The following SH3PXD2B variants were observed in gnomAD, a reference collection of about 807,000 sequenced individuals.
SH3PXD2B encodes the protein SH3 and PX domain-containing protein 2B.
In SH3PXD2B, 37 loss-of-function variants were observed where a neutral mutation model predicts 73.1. The observed-to-expected ratio is 0.51, with a 90% CI of 0.39 to 0.67. SH3PXD2B has a LOEUF of 0.67. SH3PXD2B is among the 30% of genes least tolerant of loss of function. The pLI, the probability that SH3PXD2B is intolerant of heterozygous loss-of-function variation, is 0.00. For synonymous variants in SH3PXD2B, 457 were observed against 480.5 expected (o/e 0.95, Z 0.64); for missense variants, 1,053 against 1,197.8 (o/e 0.88, Z 1.78).
At chr5:172,372,846 C>T (rs1477064927) in intron 6 of SH3PXD2B, among the ~76,000 whole-genome samples, 6 of 152,112 alleles carry the variant, frequency 3.9e-5, no homozygotes, top group African/African-American at 7.2e-5. Flanking sequence ...AATTAAAGAG[C>T]GCTGGATTCT....
rs919197314 is a variant in SH3PXD2B, at chr5:172,338,541, T to A, written c.2564A>T (p.Tyr855Phe). The A allele has an allele frequency of 6.2e-7, 1 of 1,614,162 alleles. No homozygotes were observed. Among genetic ancestry groups the A allele is most frequent in the Admixed American group, 1.7e-5 (1 of 60,020 alleles). ...TCCTTCAAAGTCGGCCACGGCCACA[T>A]ACAAAGAGTCCTTCAGGCCGTCGGC... ...PNADGLKDSLYVAVADFEGDK... is the reference protein window; with the variant it reads ...PNADGLKDSLFVAVADFEGDK... Residue 855 changes from tyrosine (Y) to phenylalanine (F), a missense_variant, in exon 13 of 13, where the codon TAT (tyrosine) becomes TTT (phenylalanine). Around this residue, in one of 2 missense-constraint regions of SH3PXD2B, gnomAD observed 587 missense variants for 590.7 expected, o/e 0.99. Transcript: ENST00000311601. This position sits in a 1 kb window ranked among gnomAD's most constrained non-coding sequence, Gnocchi z 5.1.
At chr5:172,326,735 C>T (rs2339423) in intron 12 of SH3PXD2B, among the ~76,000 whole-genome samples, 95,330 of 152,040 alleles carry the variant, frequency 0.63, 30,188 homozygotes, top group South Asian at 0.84. Context: ...TGAATAGTTA[C>T]GTAAATACTT....
intron 1 of SH3PXD2B, among the ~76,000 whole-genome samples, chr5:172,439,048 G>A (rs898531396): frequency 1.3e-5 from 2 of 151,604 alleles, no homozygotes; most frequent in Non-Finnish European, 2.9e-5. Context: ...AGACCAGCCT[G>A]ACCAATGTGG....
intron 2 of SH3PXD2B, among the ~76,000 whole-genome samples, chr5:172,408,341 C>T (rs1409093117): frequency 1.3e-5 from 2 of 152,036 alleles, no homozygotes; most frequent in Non-Finnish European, 2.9e-5. Flanking sequence ...AATCATGGCT[C>T]ACTGCAGCCT....
chr5:172,333,540 TAAAAA>T lies in SH3PXD2B; in HGVS notation c.*4824_*4828del, dbSNP rs35951290. 3.0e-5 allele frequency: 31 copies of T among 1,036,150 alleles called. No homozygotes were observed. The African/African-American group carries it at 5.2e-4, about 17-fold the overall frequency. The allele number at this position is 1,036,150 out of a possible 1,614,324, so 64.2% of individuals were successfully genotyped here. On this transcript the variant is annotated 3_prime_UTR_variant, in exon 13 of 13. Transcript: ENST00000311601. ...AAACCAGTCAAGCACTTTTTTTATT[TAAAAA>T]AAAAAAAAGGAAAGAAGTCAAATGG... is the stretch of plus-strand genomic sequence containing the variant.
intron 1 of SH3PXD2B, among the ~76,000 whole-genome samples, chr5:172,450,691 C>T (rs1759774889): frequency 6.6e-6 from 1 of 152,072 alleles, no homozygotes; most frequent in Non-Finnish European, 1.5e-5. Flanking sequence ...TTCTGTACAT[C>T]CCTCTCCAGT....
At chr5:172,331,853 C>T (rs529358787), downstream of SH3PXD2B, among the ~76,000 whole-genome samples, 2 of 152,240 alleles carry the variant, frequency 1.3e-5, no homozygotes, top group East Asian at 3.9e-4. Flanking sequence ...GGCTGAGGTA[C>T]AAGAATCGCT....
At chr5:172,424,623 G>A (rs2113468966) in intron 1 of SH3PXD2B, among the ~76,000 whole-genome samples, 1 of 152,342 alleles carries the variant, frequency 6.6e-6, no homozygotes, top group East Asian at 1.9e-4. Flanking sequence ...GGTTGGAGGT[G>A]ACCTTGAATG....
rs547122561 is a variant in SH3PXD2B, at chr5:172,424,273, A to G, written c.76-1777T>C. ...CAGGTTGATACCGGAAGTGGGCAGG[A>G]GAGAGATCTCTGAAGCCTGGAGCCA... On this transcript the variant is annotated intron_variant, in intron 1 of 12. Transcript: ENST00000311601. Among the ~76,000 whole-genome samples the G allele has an allele frequency of 6.6e-5, 10 of 152,290 alleles. No homozygotes were observed. In the South Asian group the frequency reaches 1.4e-3, roughly 22 times the overall value.
intron 12 of SH3PXD2B, 131 bp downstream of exon 12, chr5:172,346,005 G>T: frequency 7.2e-7 from 1 of 1,390,184 alleles, no homozygotes; most frequent in Non-Finnish European, 1.0e-6. Flanking sequence ...TATGGTATGT[G>T]AACCATAAAG....
Position 172,338,421 on chromosome 5 carries a change from G to T in SH3PXD2B, c.2684C>A (p.Ala895Asp). Residue 895 changes from alanine to aspartate, a missense_variant, in exon 13 of 13, where the codon GCC (alanine) becomes GAC (aspartate). Ala to Asp is a moderately radical substitution (Grantham distance 126, BLOSUM62 -2). Around this residue, in one of 2 missense-constraint regions of SH3PXD2B, gnomAD observed 587 missense variants for 590.7 expected, o/e 0.99. Transcript: ENST00000311601. The surrounding 1 kb of genome is among the most constrained non-coding windows in gnomAD (Gnocchi z 5.1). ...GWWFCQVLSG[A>D]PSWEGWIPSN... Reference sequence around the variant, plus strand: ...AGGAATCCACCCTTCCCAGGAAGGGGCTCCGCTCAGGACCTGGCAGAACCA... The same window carrying T: ...AGGAATCCACCCTTCCCAGGAAGGGTCTCCGCTCAGGACCTGGCAGAACCA... 6.2e-7 allele frequency: 1 copy of T among 1,614,180 alleles called. No individual in the cohort carries two copies. Among genetic ancestry groups the T allele is most frequent in the Non-Finnish European group, 8.5e-7 (1 of 1,180,030 alleles).
At chr5:172,397,933 T>C (rs760154504) in intron 3 of SH3PXD2B, among the ~76,000 whole-genome samples, 19 of 152,254 alleles carry the variant, frequency 1.2e-4, no homozygotes, top group Non-Finnish European at 2.6e-4. Flanking sequence ...GTTATCCTTT[T>C]TAGTGGCGGC....
At chr5:172,450,077 C>A (rs951737764) in intron 1 of SH3PXD2B, among the ~76,000 whole-genome samples, 1 of 151,960 alleles carries the variant, frequency 6.6e-6, no homozygotes. Context: ...GGCAAATGGG[C>A]GTGGGGGATC....
At chr5:172,366,838 T>G (rs1462986090) in intron 6 of SH3PXD2B, among the ~76,000 whole-genome samples, 1 of 151,692 alleles carries the variant, frequency 6.6e-6, no homozygotes, top group South Asian at 2.1e-4. Flanking sequence ...TTCACCATGT[T>G]GGCAAGGGTG....
At chr5:172,444,836 G>C (rs552251117) in intron 1 of SH3PXD2B, among the ~76,000 whole-genome samples, 2 of 152,104 alleles carry the variant, frequency 1.3e-5, no homozygotes, top group African/African-American at 4.8e-5. Flanking sequence ...CTCTGGCCCC[G>C]AGCCCTGGCC....
chr5:172,350,712 G>A (rs1223406357), intron 9 of SH3PXD2B, 123 bp from the exon 10 acceptor site: 4 of 919,840 alleles, frequency 4.3e-6, no homozygotes, highest in African/African-American at 1.6e-5. Context: ...TGACTGCCCA[G>A]GGCAAGAGGT....
downstream of SH3PXD2B, among the ~76,000 whole-genome samples, chr5:172,329,968 G>A (rs1366175937): frequency 6.6e-6 from 1 of 152,188 alleles, no homozygotes; most frequent in Non-Finnish European, 1.5e-5. Context: ...CCTGCCTGGT[G>A]GCTGTTTTCT....
chr5:172,452,927 C>T (rs1759830850), intron 1 of SH3PXD2B, among the ~76,000 whole-genome samples: 1 of 152,132 alleles, frequency 6.6e-6, no homozygotes, highest in African/African-American at 2.4e-5. Flanking sequence ...ATAAAGATGC[C>T]ACAGGTCCAG....
intron 3 of SH3PXD2B, among the ~76,000 whole-genome samples, chr5:172,405,549 C>T (rs10062569): frequency 1.3e-5 from 2 of 152,004 alleles, no homozygotes; most frequent in Non-Finnish European, 2.9e-5. Context: ...GCAGCCAGCA[C>T]GGAAACAGAT....
Sources: allele counts gnomAD v4.1 joint callset (sites outside exome capture counted in the v4.1 genomes callset), GRCh38; gene constraint gnomAD v4.1.1; regional missense constraint gnomAD v4.1.1; non-coding constraint Gnocchi (gnomAD v3.1); transcripts MANE v1.5; gene names NCBI Gene and HGNC (gene_info 2026-07-23, HGNC 2026-07-21).